Variants in BCAS3 observed in about 807,000 individuals in gnomAD.
BCAS3 encodes the protein BCAS4/BCAS3 fusion.
In BCAS3, 53 loss-of-function variants were observed where a neutral mutation model predicts 116.1. The ratio of observed to expected loss-of-function variants is 0.46; its 90% CI spans 0.37 to 0.57. BCAS3 has a LOEUF of 0.57. BCAS3 is among the 20% of genes least tolerant of loss of function. The pLI is 0.00. For synonymous variants in BCAS3, 391 were observed against 408.2 expected (o/e 0.96, Z 0.51); for missense variants, 917 against 1,165.4 (o/e 0.79, Z 3.10).
At position 61,204,328 on chromosome 17, in the gene BCAS3, T is replaced by TG. The variant is rs1309774918; in HGVS notation, c.2425+119765dup. On this transcript the variant is annotated intron_variant, in intron 22 of 23. Transcript: ENST00000407086. This position sits in a 1 kb window ranked among gnomAD's most constrained non-coding sequence, Gnocchi z 4.2. ...ATTTCTATAAATAGAATGAAGGTCA[T>TG]GTGAACGAGTTCAGAAGATTCTAGA... is the stretch of plus-strand genomic sequence containing the variant. 1.5e-4 allele frequency among the ~76,000 whole-genome samples: 23 copies of TG among 152,380 alleles called. No homozygotes were observed. The highest frequency in any genetic ancestry group is 5.5e-4 in the African/African-American group (23 of 41,596).
chr17:61,303,537 T>G (rs1309511017), intron 22 of BCAS3, among the ~76,000 whole-genome samples: 5 of 152,222 alleles, frequency 3.3e-5, no homozygotes, highest in East Asian at 3.9e-4. Context: ...TTCATTGGAC[T>G]TTGGCACTTT....
At chr17:61,143,337 A>G (rs2077022938) in intron 22 of BCAS3, among the ~76,000 whole-genome samples, 1 of 152,210 alleles carries the variant, frequency 6.6e-6, no homozygotes, top group African/African-American at 2.4e-5. Flanking sequence ...TTTAATATCA[A>G]TTTATATACT....
chr17:60,896,777 TTTAG>T (rs1461564591), intron 10 of BCAS3, among the ~76,000 whole-genome samples: 6 of 152,156 alleles, frequency 3.9e-5, no homozygotes, highest in Admixed American at 3.3e-4. Context: ...AAAAAATCCA[TTTAG>T]TTATTCTGTC....
chr17:61,110,245 A>G (rs2074967437), intron 22 of BCAS3, among the ~76,000 whole-genome samples: 1 of 152,204 alleles, frequency 6.6e-6, no homozygotes. Context: ...AGGAGCCAAG[A>G]TGGCCGAATA....
At chr17:60,853,425 T>G (rs1450354641) in intron 7 of BCAS3, among the ~76,000 whole-genome samples, 1 of 152,238 alleles carries the variant, frequency 6.6e-6, no homozygotes, top group Non-Finnish European at 1.5e-5. Flanking sequence ...TGAATTCAAA[T>G]GCTAGTGTTT....
At position 61,088,965 on chromosome 17, in the gene BCAS3, C is replaced by G. The variant is rs2073307214; in HGVS notation, c.2425+4401C>G. On this transcript the variant is annotated intron_variant, in intron 22 of 23. Coordinates refer to ENST00000407086, the MANE Select transcript of BCAS3 (RefSeq NM_017679.5). This position sits in a 1 kb window ranked among gnomAD's most constrained non-coding sequence, Gnocchi z 4.2. Reference sequence around the variant, plus strand: ...GAGGAAGATGGTAGTGTGAGAAGGACAATGTGACAGATAAGAAAAATGACT... The same window carrying G: ...GAGGAAGATGGTAGTGTGAGAAGGAGAATGTGACAGATAAGAAAAATGACT... 6.6e-6 allele frequency among the ~76,000 whole-genome samples: 1 copy of G among 151,978 alleles called. No homozygotes were observed. The highest frequency in any genetic ancestry group is 2.4e-5 in the African/African-American group (1 of 41,402).
intron 5 of BCAS3, among the ~76,000 whole-genome samples, chr17:60,713,875 C>A (rs1347127467): frequency 6.6e-6 from 1 of 152,108 alleles, no homozygotes; most frequent in African/African-American, 2.4e-5. Flanking sequence ...ACGCTGTTGC[C>A]CAGGCTGGAG....
chr17:61,135,186 T>C (rs769559466), intron 22 of BCAS3, among the ~76,000 whole-genome samples: 16 of 152,176 alleles, frequency 1.1e-4, no homozygotes, highest in Non-Finnish European at 2.4e-4. Context: ...TGGTACAGAC[T>C]TGGTTTCTTA....
At chr17:60,878,097 C>A (rs897810509) in intron 9 of BCAS3, among the ~76,000 whole-genome samples, 4 of 151,438 alleles carry the variant, frequency 2.6e-5, no homozygotes, top group African/African-American at 9.7e-5. Context: ...GCAGCCTCCA[C>A]CTCTTGGGCT....
intron 5 of BCAS3, among the ~76,000 whole-genome samples, chr17:60,732,699 C>T (rs940696946): frequency 5.9e-5 from 9 of 151,862 alleles, no homozygotes; most frequent in East Asian, 3.9e-4. Flanking sequence ...ATTAGCTGGG[C>T]GTGGTGGTGC....
chr17:60,749,483 A>T (rs1421745324), intron 6 of BCAS3, among the ~76,000 whole-genome samples: 1 of 152,198 alleles, frequency 6.6e-6, no homozygotes, highest in Non-Finnish European at 1.5e-5. Context: ...TGGTATTTTG[A>T]TGAAATGGCT....
Position 60,910,637 on chromosome 17 carries a change from C to T in BCAS3, c.928C>T (p.Arg310Trp), listed in dbSNP as rs145172183. Residue 310 changes from arginine (R) to tryptophan (W), a missense_variant, in exon 12 of 24, where the codon CGG becomes TGG. This residue lies in a region of BCAS3 where 807 missense variants were observed against 1,026.0 expected (regional missense o/e 0.79). Transcript: ENST00000407086. ...TGATGTTGCCATCCACAGTAATTCA[C>T]GGCGGAGTCCTTTGGTCCCAGGCAT... ...EDDVAIHSNS[R>W]RSPLVPGIIT... 2,014 of 1,613,100 alleles carry T rather than the reference C, an allele frequency of 1.2e-3. 29 individuals carry two copies. Among genetic ancestry groups the T allele is most frequent in the Non-Finnish European group, 1.4e-4 (164 of 1,179,570 alleles).
chr17:61,304,920 A>AT (rs887691698), intron 22 of BCAS3, among the ~76,000 whole-genome samples: 6 of 151,654 alleles, frequency 4.0e-5, no homozygotes, highest in Admixed American at 6.6e-5. Flanking sequence ...CGCCCAGCTA[A>AT]TTTTTTTTGT....
intron 14 of BCAS3, among the ~76,000 whole-genome samples, chr17:60,975,051 G>A (rs2062232471): frequency 6.7e-6 from 1 of 149,982 alleles, no homozygotes; most frequent in South Asian, 2.1e-4. Context: ...CCGGACTGCG[G>A]ACTGCAGTGG....
At chr17:60,865,770 G>A (rs75904768) in intron 7 of BCAS3, among the ~76,000 whole-genome samples, 4,624 of 152,118 alleles carry the variant, frequency 0.03, 180 homozygotes, top group East Asian at 0.092. Flanking sequence ...TAATTATTGC[G>A]CTGGGTAAGA....
rs1005615432 is a variant in BCAS3 at position 61,130,745 on chromosome 17, C to T, written c.2425+46181C>T. On this transcript the variant is annotated intron_variant, in intron 22 of 23. Transcript: ENST00000407086. The surrounding 1 kb of genome is among the most constrained non-coding windows in gnomAD (Gnocchi z 5.0). The stretch of plus-strand genomic sequence containing the variant: ...GCTCCAACCAGTTCTGTTCTAGCTC[C>T]TGAAGTCAGCGTCAAGAAATATTGG... 1.5e-4 allele frequency: 23 copies of T among 152,298 alleles called. No individual in the cohort carries two copies. The highest frequency in any genetic ancestry group is 5.3e-4 in the African/African-American group (22 of 41,446). The allele number at this position is 152,298 out of a possible 1,614,324, so 9.4% of individuals were successfully genotyped here.
chr17:61,212,502 AT>A (rs1162527906), intron 22 of BCAS3, among the ~76,000 whole-genome samples: 1 of 151,756 alleles, frequency 6.6e-6, no homozygotes, highest in Non-Finnish European at 1.5e-5. Flanking sequence ...GGCTACCTAA[AT>A]TTTGTTATAT....
At position 61,363,038 on chromosome 17, in the gene BCAS3, G is replaced by A. The variant is rs556518620; in HGVS notation, c.2426-5289G>A. On this transcript the variant is annotated intron_variant, in intron 22 of 23. Coordinates refer to ENST00000407086, the MANE Select transcript of BCAS3 (RefSeq NM_017679.5). The surrounding 1 kb of genome is among the most constrained non-coding windows in gnomAD (Gnocchi z 4.9). ...TGAGCAAGCATGATGTACAAAGTTC[G>A]GTGCCTATTTTCATTATGGAGGAAT... 6.1e-4 allele frequency among the ~76,000 whole-genome samples: 93 copies of A among 152,182 alleles called. No homozygotes were observed. Among genetic ancestry groups the A allele is most frequent in the Admixed American group, 3.8e-3 (58 of 15,274 alleles).
In BCAS3 at chr17:61,082,719, T is replaced by C. The variant is rs974262458; in HGVS notation, c.2328-1748T>C. On this transcript the variant is annotated intron_variant, in intron 21 of 23. Transcript: ENST00000407086. This position sits in a 1 kb window ranked among gnomAD's most constrained non-coding sequence, Gnocchi z 5.1. ...TCTTTTCTAACTGGCCCACATTAGC[T>C]TAGGCTTACCTATCCCCTAACTAAC... Among the ~76,000 whole-genome samples, 1 of 152,214 alleles carries C rather than the reference T, an allele frequency of 6.6e-6. No homozygotes were observed. Among genetic ancestry groups the C allele is most frequent in the African/African-American group, 2.4e-5 (1 of 41,450 alleles).
Sources: allele counts gnomAD v4.1 joint callset (sites outside exome capture counted in the v4.1 genomes callset), GRCh38; gene constraint gnomAD v4.1.1; regional missense constraint gnomAD v4.1.1; non-coding constraint Gnocchi (gnomAD v3.1); transcripts MANE v1.5; gene names NCBI Gene and HGNC (gene_info 2026-07-23, HGNC 2026-07-21).